Variants in DDX46 observed in about 807,000 individuals in gnomAD.
The protein encoded by DDX46 is DEAD-box helicase 46, also known as probable ATP-dependent RNA helicase DDX46.
DDX46 carries 30 observed loss-of-function variants against 134.9 expected under a neutral mutation model. That is an observed-to-expected ratio of 0.22 (90% CI 0.17 to 0.30). The LOEUF (loss-of-function observed/expected upper bound fraction) is 0.30, where lower values mean the gene tolerates loss of function less well. Ranked by LOEUF, DDX46 falls within the 10% of genes least tolerant of loss-of-function variation. The pLI, the probability that DDX46 is intolerant of heterozygous loss-of-function variation, is 1.00. For synonymous variants in DDX46, 415 were observed against 404.1 expected (o/e 1.03, Z -0.32); for missense variants, 622 against 1,248.7 (o/e 0.50, Z 7.56).
intron 21 of DDX46, among the ~76,000 whole-genome samples, chr5:134,819,577 T>A (rs34954815): frequency 3.9e-4 from 60 of 152,332 alleles, no homozygotes; most frequent in African/African-American, 1.3e-3. Flanking sequence ...TTTGTCTGGC[T>A]GGAGTGCAGT....
At position 134,758,880 on chromosome 5, in the gene DDX46, T is replaced by G. The variant is rs1012771308; in HGVS notation, c.-59T>G. ...CGTTGAGGGCAGCTCAGCCTCCTTG[T>G]TTGTCCGGTTCGCCTGTGCGTGGTA... On this transcript the variant is annotated 5_prime_UTR_variant, in exon 1 of 23. Transcript: ENST00000452510. The G allele has an allele frequency of 2.5e-6, 4 of 1,613,236 alleles. No homozygotes were observed. In the African/African-American group the frequency reaches 5.3e-5, roughly 22 times the overall value.
At chr5:134,812,057 TC>T (rs1435651561) in intron 18 of DDX46, among the ~76,000 whole-genome samples, 1 of 141,752 alleles carries the variant, frequency 7.1e-6, no homozygotes, top group African/African-American at 2.6e-5. Context: ...ATGTGAAAAG[TC>T]CTTTTTTTTT....
At chr5:134,769,659 G>A (rs1580774843) in intron 3 of DDX46, among the ~76,000 whole-genome samples, 1 of 151,592 alleles carries the variant, frequency 6.6e-6, no homozygotes, top group African/African-American at 2.4e-5. Flanking sequence ...TCCTGCCTCG[G>A]CCTCCCACCC....
chr5:134,807,931 C>A lies in DDX46; in HGVS notation c.2138C>A (p.Ala713Glu). 1 of 1,587,458 alleles carries A rather than the reference C, an allele frequency of 6.3e-7. No individual in the cohort carries two copies. Among genetic ancestry groups the A allele is most frequent in the Non-Finnish European group, 8.6e-7 (1 of 1,166,658 alleles). The change falls in exon 16 of 23, where the codon GCA (alanine) becomes GAA (glutamate). Residue 713 changes from alanine (A) to glutamate (E), a missense_variant. Ala to Glu is a moderately radical substitution (Grantham distance 107, BLOSUM62 -1). Transcript: ENST00000452510. ...CACAGAGCAGGGCGGACTGGAAGAGCAGGAAACAAGGTAAAAATAAGTTTT... is the reference window on the plus strand; with the variant it reads ...CACAGAGCAGGGCGGACTGGAAGAGAAGGAAACAAGGTAAAAATAAGTTTT... ...YVHRAGRTGR[A>E]GNKGYAYTFI...
At chr5:134,770,020 C>A (rs1205300189) in intron 3 of DDX46, among the ~76,000 whole-genome samples, 2 of 151,966 alleles carry the variant, frequency 1.3e-5, no homozygotes, top group African/African-American at 2.4e-5. Flanking sequence ...TTATTTCTTA[C>A]CTAAATATTG....
chr5:134,804,826 T>G, intron 15 of DDX46: 1 of 414,778 alleles, frequency 2.4e-6, no homozygotes, highest in Non-Finnish European at 4.7e-6. Flanking sequence ...CACCATGATT[T>G]TCTGTTCCTT....
rs1755665016 is a variant in DDX46 at position 134,828,998 on chromosome 5, AT to A, written c.*295del. The stretch of plus-strand genomic sequence containing the variant: ...TTCTAGAGGTTTAAAAAATGGAAAT[AT>A]TTGAACTTTCTATTGAAGACAATAA... On this transcript the variant is annotated 3_prime_UTR_variant, in exon 23 of 23. Coordinates refer to ENST00000452510, the MANE Select transcript of DDX46 (RefSeq NM_001300860.2). The A allele has an allele frequency of 4.4e-6, 1 of 225,946 alleles. No individual in the cohort carries two copies. Among genetic ancestry groups the A allele is most frequent in the Admixed American group, 5.7e-5 (1 of 17,614 alleles). The allele number at this position is 225,946 out of a possible 1,614,324, so 14.0% of individuals were successfully genotyped here.
chr5:134,766,825 A>G (rs1753582664), intron 2 of DDX46, 92 bp from the exon 3 acceptor site: 1 of 1,429,042 alleles, frequency 7.0e-7, no homozygotes, highest in Non-Finnish European at 9.3e-7. Flanking sequence ...AATGGTAGTG[A>G]TTAAGATTCT....
chr5:134,778,549 G>A (rs1258274085), intron 6 of DDX46, among the ~76,000 whole-genome samples: 3 of 151,998 alleles, frequency 2.0e-5, no homozygotes, highest in Non-Finnish European at 4.4e-5. Flanking sequence ...ATACCATTTA[G>A]TAGTATTTTG....
At chr5:134,811,073 T>G in intron 16 of DDX46, 148 bp from the exon 17 acceptor site, 1 of 608,790 alleles carries the variant, frequency 1.6e-6, no homozygotes, top group South Asian at 3.4e-5. Flanking sequence ...ATTAAGTAAT[T>G]TAGTAAGACT....
intron 2 of DDX46, among the ~76,000 whole-genome samples, chr5:134,764,855 C>T (rs1251382723): frequency 1.3e-5 from 2 of 150,428 alleles, no homozygotes; most frequent in Non-Finnish European, 1.5e-5. Context: ...CTCTTCCTTC[C>T]TCCCTATCTC....
chr5:134,811,484 A>G (rs1242953443), intron 17 of DDX46, 126 bp downstream of exon 17: 14 of 1,321,838 alleles, frequency 1.1e-5, no homozygotes, highest in Non-Finnish European at 1.4e-5. Context: ...ATTTCTCTCT[A>G]GAGGGAAAAA....
intron 4 of DDX46, among the ~76,000 whole-genome samples, chr5:134,772,687 G>A (rs1006844429): frequency 2.6e-5 from 4 of 152,094 alleles, no homozygotes; most frequent in African/African-American, 7.2e-5. Context: ...GGTATTTTTC[G>A]TAGAAATGGG....
chr5:134,785,610 GT>G, intron 11 of DDX46, 24 bp downstream of exon 11: 2 of 1,577,508 alleles, frequency 1.3e-6, no homozygotes, highest in Non-Finnish European at 1.7e-6. Context: ...AAACATTCAT[GT>G]TTTCCATTCT....
At chr5:134,822,920 T>G (rs920625859) in intron 21 of DDX46, among the ~76,000 whole-genome samples, 1 of 152,116 alleles carries the variant, frequency 6.6e-6, no homozygotes, top group South Asian at 2.1e-4. Flanking sequence ...TCAACATAGA[T>G]TCATAATTAT....
chr5:134,807,118 A>G (rs542922874), intron 15 of DDX46, among the ~76,000 whole-genome samples: 3 of 148,266 alleles, frequency 2.0e-5, no homozygotes, highest in Admixed American at 1.4e-4. Flanking sequence ...CAGTGGCGCA[A>G]TCTCGGCTCA....
intron 18 of DDX46, among the ~76,000 whole-genome samples, chr5:134,813,708 G>A (rs1195418910): frequency 6.6e-6 from 1 of 152,056 alleles, no homozygotes; most frequent in East Asian, 1.9e-4. Context: ...TCAACTCACT[G>A]CTGCCTCAGC....
chr5:134,796,765 A>G (rs984362641), intron 15 of DDX46, among the ~76,000 whole-genome samples: 2 of 150,772 alleles, frequency 1.3e-5, no homozygotes, highest in Non-Finnish European at 3.0e-5. Context: ...AGGCAGGAGA[A>G]CCGCTTGAAC....
intron 15 of DDX46, among the ~76,000 whole-genome samples, chr5:134,806,921 A>G (rs1236139297): frequency 6.6e-6 from 1 of 152,160 alleles, no homozygotes; most frequent in Non-Finnish European, 1.5e-5. Context: ...CATTTATTTA[A>G]GAGATATCCA....
Sources: allele counts gnomAD v4.1 joint callset (sites outside exome capture counted in the v4.1 genomes callset), GRCh38; gene constraint gnomAD v4.1.1; transcripts MANE v1.5; gene names NCBI Gene and HGNC (gene_info 2026-07-23, HGNC 2026-07-21).